DPYSL5: variants seen among roughly 807,000 people sequenced by gnomAD.
DPYSL5 encodes the protein dihydropyrimidinase like 5.
Under a neutral mutation model 58.4 loss-of-function variants are expected in DPYSL5, and 9 were observed. The ratio of observed to expected loss-of-function variants is 0.15; its 90% CI spans 0.09 to 0.27. The LOEUF is 0.27. Among genes scored for constraint, DPYSL5 ranks in the 10% least tolerant of loss-of-function variants. The probability of loss-of-function intolerance (pLI) is 1.00; values close to 1 mark genes in which losing one functional copy is unlikely to be tolerated. For synonymous variants in DPYSL5, 293 were observed against 301.9 expected, an observed-to-expected ratio of 0.97 and a Z score of 0.31; for missense variants, 499 against 770.6, an observed-to-expected ratio of 0.65 and a Z score of 4.17.
At chr2:26,884,962 G>T (rs1663676646) in intron 1 of DPYSL5, among the ~76,000 whole-genome samples, 1 of 152,182 alleles carries the variant, frequency 6.6e-6, no homozygotes, top group South Asian at 2.1e-4. Flanking sequence ...ACTTTGGGAG[G>T]CTGAGGCAGG....
Position 26,851,067 on chromosome 2 carries a change from A to G in DPYSL5, c.-5+2813A>G, listed in dbSNP as rs190225656. 1.4e-3 allele frequency among the ~76,000 whole-genome samples: 209 copies of G among 152,298 alleles called. 1 individual carries two copies. Among genetic ancestry groups the G allele is most frequent in the African/African-American group, 4.9e-3 (202 of 41,568 alleles). ...ACACACAAACATGGATTCAGAGTAC[A>G]TAAATACTAGGAATCTCAATATTAG... is the stretch of plus-strand genomic sequence containing the variant. On this transcript the variant is annotated intron_variant, in intron 1 of 12. Transcript: ENST00000288699.
At chr2:26,920,877 C>G (rs1025238064) in intron 2 of DPYSL5, among the ~76,000 whole-genome samples, 15 of 152,326 alleles carry the variant, frequency 9.8e-5, no homozygotes, top group Middle Eastern at 6.8e-3. Flanking sequence ...AAGTCTTTTT[C>G]ACTCATTACA....
intron 9 of DPYSL5, among the ~76,000 whole-genome samples, chr2:26,940,598 G>A (rs377593427): frequency 9.0e-4 from 135 of 150,616 alleles, no homozygotes; most frequent in African/African-American, 3.0e-3. Flanking sequence ...TAAGTGCTGC[G>A]ATTATAGGTG....
chr2:26,945,020 A>T (rs1441495315), intron 12 of DPYSL5, among the ~76,000 whole-genome samples, 196 bp downstream of exon 12: 1 of 152,148 alleles, frequency 6.6e-6, no homozygotes, highest in East Asian at 1.9e-4. Flanking sequence ...GTCCCTGGGC[A>T]CAGACGCTCT....
In DPYSL5 at chr2:26,947,228, C is replaced by G; in HGVS notation, c.*233C>G. The G allele has an allele frequency of 4.1e-6, 2 of 487,304 alleles. No homozygotes were observed. The highest frequency in any genetic ancestry group is 3.8e-6 in the Non-Finnish European group (1 of 266,656). The allele number at this position is 487,304 out of a possible 1,614,324, so 30.2% of individuals were successfully genotyped here. ...GCTGTAGTCCTTTCTGCCTTGGCCT[C>G]GGCGGGCTTTTCTGGGGCCCAGGAA... On this transcript the variant is annotated 3_prime_UTR_variant, in exon 13 of 13. Transcript: ENST00000288699. This position sits in a 1 kb window ranked among gnomAD's most constrained non-coding sequence, Gnocchi z 4.2.
At chr2:26,932,021 AAAAAG>A (rs1385305484) in intron 6 of DPYSL5, among the ~76,000 whole-genome samples, 4 of 137,028 alleles carry the variant, frequency 2.9e-5, no homozygotes, top group Non-Finnish European at 4.6e-5. Context: ...AAAAAAAAAA[AAAAAG>A]AAAGAAAAGA....
chr2:26,888,750 T>G (rs1254676598), intron 1 of DPYSL5, among the ~76,000 whole-genome samples: 1 of 152,024 alleles, frequency 6.6e-6, no homozygotes, highest in Non-Finnish European at 1.5e-5. Flanking sequence ...TTAAAGGAGG[T>G]GACATTTATT....
At chr2:26,864,122 G>T (rs957254257) in intron 1 of DPYSL5, among the ~76,000 whole-genome samples, 1 of 152,202 alleles carries the variant, frequency 6.6e-6, no homozygotes, top group African/African-American at 2.4e-5. Flanking sequence ...GTGCGCGCCT[G>T]TAGTCCCAGC....
At chr2:26,938,948 C>G (rs980825684) in intron 8 of DPYSL5, 4 of 152,388 alleles carry the variant, frequency 2.6e-5, no homozygotes, top group African/African-American at 7.2e-5. Context: ...TCTCCTCCGC[C>G]CCTCACTGCC....
intron 2 of DPYSL5, among the ~76,000 whole-genome samples, chr2:26,907,863 C>A (rs550459080): frequency 6.6e-5 from 10 of 152,280 alleles, no homozygotes; most frequent in African/African-American, 2.4e-4. Context: ...GGAGCAGAGA[C>A]CACGATTTAA....
chr2:26,873,746 A>G (rs551075990), intron 1 of DPYSL5, among the ~76,000 whole-genome samples: 4 of 152,190 alleles, frequency 2.6e-5, no homozygotes, highest in Non-Finnish European at 5.9e-5. Context: ...CCTGACAAAT[A>G]TTCTGTTACA....
chr2:26,931,203 G>GTGTGTGTGTATGTATATA (rs1474347605), intron 5 of DPYSL5, among the ~76,000 whole-genome samples: 2 of 44,910 alleles, frequency 4.5e-5, no homozygotes, highest in African/African-American at 1.6e-4. Context: ...GTGTGTGTGT[G>GTGTGTGTGTATGTATATA]TATATATATA....
chr2:26,867,756 C>T (rs898694581), intron 1 of DPYSL5, among the ~76,000 whole-genome samples: 3 of 152,162 alleles, frequency 2.0e-5, no homozygotes, highest in African/African-American at 7.2e-5. Context: ...CGCCCGGCCC[C>T]CAATTGTTTG....
intron 1 of DPYSL5, among the ~76,000 whole-genome samples, chr2:26,882,090 CA>C (rs752138649): frequency 0.088 from 3,598 of 41,038 alleles, 31 homozygotes; most frequent in African/African-American, 0.18. Context: ...GACTCCATCT[CA>C]AAAAAAAAAA....
chr2:26,892,265 G>C (rs1663899708), intron 1 of DPYSL5, among the ~76,000 whole-genome samples: 1 of 152,176 alleles, frequency 6.6e-6, no homozygotes, highest in Non-Finnish European at 1.5e-5. Context: ...CTGTGTGAAT[G>C]CATGTAAAGT....
rs1664067907 is a variant in DPYSL5, at chr2:26,898,362, T to C, written c.-4-134T>C. ...CCAGTGGGAGGCTTGTGACTCCCGCTGGCTGTAGGGGAAAGTTCCTCCTCT... is the reference window on the plus strand; with the variant it reads ...CCAGTGGGAGGCTTGTGACTCCCGCCGGCTGTAGGGGAAAGTTCCTCCTCT... On this transcript the variant is annotated intron_variant, in intron 1 of 12. Transcript: ENST00000288699. The surrounding 1 kb of genome is among the most constrained non-coding windows in gnomAD (Gnocchi z 6.1). 1 of 1,269,210 alleles carries C rather than the reference T, an allele frequency of 7.9e-7. No homozygotes were observed. Among genetic ancestry groups the C allele is most frequent in the Non-Finnish European group, 1.1e-6 (1 of 910,600 alleles). The allele number at this position is 1,269,210 out of a possible 1,614,324, so 78.6% of individuals were successfully genotyped here.
Position 26,936,863 on chromosome 2 carries a change from T to A in DPYSL5, c.947+2129T>A, listed in dbSNP as rs189702037. On this transcript the variant is annotated intron_variant, in intron 8 of 12. Coordinates refer to ENST00000288699, the MANE Select transcript of DPYSL5 (RefSeq NM_020134.4). ...CCAGAGGCTGAGGCAGGAGAATCGC[T>A]TGAACCCAGGAGGCGGAGGTTGCAG... 1.4e-3 allele frequency among the ~76,000 whole-genome samples: 211 copies of A among 146,100 alleles called. 1 individual carries two copies. Among genetic ancestry groups the A allele is most frequent in the Admixed American group, 5.7e-3 (82 of 14,320 alleles).
At chr2:26,864,347 C>G (rs1214476150) in intron 1 of DPYSL5, among the ~76,000 whole-genome samples, 1 of 152,242 alleles carries the variant, frequency 6.6e-6, no homozygotes, top group African/African-American at 2.4e-5. Flanking sequence ...GGGCCCCAGT[C>G]TGAAAGGGGC....
At chr2:26,940,791 T>C (rs1665297385) in intron 9 of DPYSL5, among the ~76,000 whole-genome samples, 1 of 152,102 alleles carries the variant, frequency 6.6e-6, no homozygotes, top group South Asian at 2.1e-4. Context: ...TTTTCTCCAA[T>C]GAAAGTACCA....
Sources: allele counts gnomAD v4.1 joint callset (sites outside exome capture counted in the v4.1 genomes callset), GRCh38; gene constraint gnomAD v4.1.1; non-coding constraint Gnocchi (gnomAD v3.1); transcripts MANE v1.5; gene names NCBI Gene and HGNC (gene_info 2026-07-23, HGNC 2026-07-21).